Variants in SCN10A observed in about 807,000 individuals in gnomAD.
The protein encoded by SCN10A is sodium voltage-gated channel alpha subunit 10, also known as sodium channel protein type 10 subunit alpha.
Under a neutral mutation model 170.7 loss-of-function variants are expected in SCN10A, and 162 were observed. That is an observed-to-expected ratio of 0.95 (90% CI 0.84 to 1.08). SCN10A has a LOEUF of 1.08. Ranked by LOEUF, SCN10A falls within the 50% of genes least tolerant of loss-of-function variation. The pLI is 0.00. For synonymous variants in SCN10A, 985 were observed against 904.6 expected (o/e 1.09, Z -1.59); for missense variants, 2,527 against 2,436.9 (o/e 1.04, Z -0.78).
Position 38,727,071 on chromosome 3 carries a change from A to G in SCN10A, c.2641-19T>C. The G allele has an allele frequency of 6.3e-7, 1 of 1,591,046 alleles. No individual in the cohort carries two copies. The highest frequency in any genetic ancestry group is 8.6e-7 in the Non-Finnish European group (1 of 1,161,648). On this transcript the variant is annotated intron_variant, in intron 16 of 27. Transcript: ENST00000449082. Reference sequence around the variant, plus strand: ...TAAGCACCTGAAGAGAAGGAATGGAAGGGAAGATTGATCAATCTCTAAGCT... The same window carrying G: ...TAAGCACCTGAAGAGAAGGAATGGAGGGGAAGATTGATCAATCTCTAAGCT...
intron 13 of SCN10A, among the ~76,000 whole-genome samples, chr3:38,746,698 A>G (rs56128837): frequency 0.09 from 13,697 of 151,966 alleles, 1,093 homozygotes; most frequent in African/African-American, 0.2. Context: ...ATTCCTTCAA[A>G]TGTTATTCTC....
chr3:38,750,831 A>T (rs1344366038), intron 12 of SCN10A, among the ~76,000 whole-genome samples: 1 of 152,238 alleles, frequency 6.6e-6, no homozygotes, highest in Non-Finnish European at 1.5e-5. Flanking sequence ...AATCTCAGGA[A>T]CAGAGAAAGG....
At chr3:38,717,912 G>T (rs1405994686) in intron 21 of SCN10A, among the ~76,000 whole-genome samples, 1 of 152,258 alleles carries the variant, frequency 6.6e-6, no homozygotes, top group East Asian at 1.9e-4. Flanking sequence ...ATGAGGAAGA[G>T]ATGACTGAGG....
chr3:38,718,343 G>A (rs938497283), intron 21 of SCN10A, among the ~76,000 whole-genome samples: 6 of 152,152 alleles, frequency 3.9e-5, no homozygotes, highest in Non-Finnish European at 8.8e-5. Context: ...ATGGATGCAG[G>A]GCCATAAGAC....
rs147235762 is a variant in SCN10A at position 38,742,489 on chromosome 3, G to A, written c.1908C>T (p.Thr636=). 213 of 1,614,026 alleles carry A rather than the reference G, an allele frequency of 1.3e-4. 1 individual carries two copies. Among genetic ancestry groups the A allele is most frequent in the Non-Finnish European group, 2.6e-5 (31 of 1,180,038 alleles). Residue 636 remains threonine (T), a synonymous_variant, in exon 14 of 28, where the codon ACC becomes ACT. Transcript: ENST00000449082. ...AGATCAGATACTTCTGAGACAAGCT[G>A]GTCAAGCAGGGTGGGCACTTCTGTT... The part of the protein sequence containing the change: ...ESEQKCPPCL[T]SLSQKYLIWD...
intron 4 of SCN10A, among the ~76,000 whole-genome samples, chr3:38,778,503 A>G (rs952071107): frequency 2.6e-5 from 4 of 151,972 alleles, no homozygotes; most frequent in African/African-American, 9.7e-5. Context: ...CCACAAGCAG[A>G]CAGATAGGCA....
rs114479311 is a variant in SCN10A at position 38,800,751 on chromosome 3, A to G, written c.-32-6709T>C. Among the ~76,000 whole-genome samples, 848 of 152,244 alleles carry G rather than the reference A, an allele frequency of 5.6e-3. 9 individuals are homozygous for G. The highest frequency in any genetic ancestry group is 0.019 in the African/African-American group (776 of 41,556). Reference sequence around the variant, plus strand: ...AAGCTTACATCCAGGGAATGAGAACAGAGTGGAATTTGGTTATTTCTGAGG... The same window carrying G: ...AAGCTTACATCCAGGGAATGAGAACGGAGTGGAATTTGGTTATTTCTGAGG... On this transcript the variant is annotated intron_variant, in intron 1 of 27. Transcript: ENST00000449082.
Position 38,702,887 on chromosome 3 carries a change from T to G in SCN10A, c.4387-778A>C, listed in dbSNP as rs909057231. On this transcript the variant is annotated intron_variant, in intron 26 of 27. Coordinates refer to ENST00000449082, the MANE Select transcript of SCN10A (RefSeq NM_006514.4). The stretch of plus-strand genomic sequence containing the variant: ...TCTTTAAAAAGCTCCTACTGTGATC[T>G]TCTCTTCTTTTAGTGCTGTGAACAT... Among the ~76,000 whole-genome samples the G allele has an allele frequency of 2.0e-5, 3 of 152,222 alleles. No individual in the cohort carries two copies. In the South Asian group the frequency reaches 6.2e-4, roughly 32 times the overall value.
chr3:38,728,851 G>C lies in SCN10A; in HGVS notation c.2331C>G (p.Ile777Met). The C allele has an allele frequency of 6.2e-7, 1 of 1,614,168 alleles. No individual in the cohort carries two copies. Among genetic ancestry groups the C allele is most frequent in the Non-Finnish European group, 8.5e-7 (1 of 1,180,018 alleles). The change falls in exon 16 of 28, where the codon ATC becomes ATG. Residue 777 changes from isoleucine (I) to methionine (M), a missense_variant. Physicochemically the swap from Ile to Met is conservative, Grantham distance 10 (BLOSUM62 1). Coordinates refer to ENST00000449082, the MANE Select transcript of SCN10A (RefSeq NM_006514.4). ...AKSWPTLNTLIKIIGNSVGAL... is the reference protein window; with the variant it reads ...AKSWPTLNTLMKIIGNSVGAL... ...CCCCCACTGAGTTTCCGATGATCTT[G>C]ATGAGTGTGTTTAAGGTGGGCCAGG...
In SCN10A at chr3:38,793,910, G is replaced by T. The variant is rs1025338659; in HGVS notation, c.101C>A (p.Thr34Lys). Reference protein sequence around the residue: ...IEKQIAAKQGTKKAREKHREQ... With the variant: ...IEKQIAAKQGKKKAREKHREQ... ...CCTATGCTTCTCTCTGGCTTTCTTT[G>T]TTCCCTGCTTGGCAGCAATTTGCTT... The change falls in exon 2 of 28, where the codon ACA becomes AAA. Residue 34 changes from threonine (T) to lysine (K), a missense_variant. Transcript: ENST00000449082. 1 of 1,614,082 alleles carries T rather than the reference G, an allele frequency of 6.2e-7. No homozygotes were observed. The highest frequency in any genetic ancestry group is 1.7e-5 in the Admixed American group (1 of 60,006).
chr3:38,776,966 T>C (rs566722601), intron 4 of SCN10A, among the ~76,000 whole-genome samples: 34 of 152,090 alleles, frequency 2.2e-4, no homozygotes, highest in African/African-American at 8.2e-4. Context: ...ATAAAAATAC[T>C]GATAGAAGCC....
At chr3:38,797,781 A>G (rs1033631282) in intron 1 of SCN10A, among the ~76,000 whole-genome samples, 2 of 152,218 alleles carry the variant, frequency 1.3e-5, no homozygotes, top group Non-Finnish European at 2.9e-5. Context: ...GAGGATTGAG[A>G]ACAGGACTAA....
chr3:38,770,551 G>T (rs1299790974), intron 5 of SCN10A, among the ~76,000 whole-genome samples: 1 of 151,996 alleles, frequency 6.6e-6, no homozygotes, highest in South Asian at 2.1e-4. Flanking sequence ...CTAGTGAGAG[G>T]CCTCACCTAG....
At chr3:38,786,135 C>A (rs984670619) in intron 4 of SCN10A, among the ~76,000 whole-genome samples, 2 of 152,044 alleles carry the variant, frequency 1.3e-5, no homozygotes, top group South Asian at 2.1e-4. Flanking sequence ...TGGGTATATA[C>A]CCAAAGGATT....
Position 38,752,334 on chromosome 3 carries a change from C to A in SCN10A, c.1640G>T (p.Gly547Val), listed in dbSNP as rs778131383. Residue 547 changes from glycine to valine, a missense_variant, in exon 12 of 28, where the codon GGC (glycine) becomes GTC (valine). Transcript: ENST00000449082. ...LLLGGGAGQQ[G>V]PLPRSPLPQP... ...AGGAAGAGGGCTTCTAGGGAGGGGG[C>A]CTTGCTGGCCAGCACCCCCACCCAG... 1.2e-6 allele frequency: 2 copies of A among 1,613,008 alleles called. No homozygotes were observed. The highest frequency in any genetic ancestry group is 8.5e-7 in the Non-Finnish European group (1 of 1,179,540).
intron 26 of SCN10A, among the ~76,000 whole-genome samples, chr3:38,705,804 C>A (rs2063204549): frequency 6.6e-6 from 1 of 152,148 alleles, no homozygotes; most frequent in South Asian, 2.1e-4. Flanking sequence ...TGGATTCAAT[C>A]TTACTCCAGC....
intron 1 of SCN10A, among the ~76,000 whole-genome samples, chr3:38,808,251 CT>C (rs2064417950): frequency 1.3e-4 from 1 of 7,856 alleles, no homozygotes; most frequent in Admixed American, 1.5e-3. Flanking sequence ...ATGCTTTTTT[CT>C]CTCTCTCTCA....
chr3:38,710,250 C>T (rs1412790102), intron 24 of SCN10A, among the ~76,000 whole-genome samples: 3 of 152,130 alleles, frequency 2.0e-5, no homozygotes, highest in African/African-American at 7.2e-5. Context: ...ACTTCTGCCT[C>T]CCGGGTTCAA....
Position 38,792,073 on chromosome 3 carries a change from C to T in SCN10A, c.366G>A (p.Thr122=), listed in dbSNP as rs369562725. The change falls in exon 3 of 28, where the codon ACG becomes ACA. Residue 122 remains threonine (T), a synonymous_variant. Transcript: ENST00000449082. ...ATGAGTGGACAGACACTTTGATGGCCGTTCTTCTGATCAGGTTGAAAGGAC... is the reference window on the plus strand; with the variant it reads ...ATGAGTGGACAGACACTTTGATGGCTGTTCTTCTGATCAGGTTGAAAGGAC... ...LFSPFNLIRR[T]AIKVSVHSWF... 1.2e-5 allele frequency: 20 copies of T among 1,613,546 alleles called. No homozygotes were observed. Among genetic ancestry groups the T allele is most frequent in the Non-Finnish European group, 1.5e-5 (18 of 1,179,778 alleles).
Sources: gnomAD v4.1 joint callset for allele counts (sites outside exome capture counted in the v4.1 genomes callset) on GRCh38, gnomAD v4.1.1 for gene constraint, MANE v1.5 for transcripts, NCBI Gene and HGNC (gene_info 2026-07-23, HGNC 2026-07-21) for gene names.